The following B4GALT1 variants were observed in gnomAD, a reference collection of about 807,000 sequenced individuals.
B4GALT1 encodes N-acetyllactosamine synthase.
A neutral mutation model predicts 34.9 loss-of-function variants in B4GALT1; 16 were observed. The observed-to-expected ratio is 0.46, with a 90% CI of 0.31 to 0.70. The LOEUF (loss-of-function observed/expected upper bound fraction) is 0.70. B4GALT1 is among the 30% of genes least tolerant of loss of function. The pLI is 0.05. For missense variants in B4GALT1, 445 were observed against 530.5 expected (o/e 0.84, Z 1.58); for synonymous variants, 221 against 218.1 (o/e 1.01, Z -0.12).
At chr9:33,108,206 T>A (rs1302861302), downstream of B4GALT1, among the ~76,000 whole-genome samples, 2 of 152,302 alleles carry the variant, frequency 1.3e-5, no homozygotes, top group East Asian at 3.9e-4. Flanking sequence ...GGTTCTGTTA[T>A]AACTCCCATT....
rs1840779605 is a variant in B4GALT1, at chr9:33,167,266, G to A, written c.-97C>T. On this transcript the variant is annotated 5_prime_UTR_variant, in exon 1 of 6. Transcript: ENST00000379731. ...GGCGCTGCCCCACAGCGGCGACTAG[G>A]GGAGGGCCCGGAGCGGGGGCGGGCG... 2.2e-6 allele frequency: 3 copies of A among 1,383,762 alleles called. No individual in the cohort carries two copies. The highest frequency in any genetic ancestry group is 3.1e-5 in the Admixed American group (1 of 32,130). The allele number at this position is 1,383,762 out of a possible 1,614,324, so 85.7% of individuals were successfully genotyped here.
chr9:33,159,773 G>A (rs1478110158), intron 1 of B4GALT1, among the ~76,000 whole-genome samples: 1 of 152,160 alleles, frequency 6.6e-6, no homozygotes, highest in East Asian at 1.9e-4. Flanking sequence ...CTTCCTGTGC[G>A]TCACATCTCA....
intron 2 of B4GALT1, chr9:33,104,929 C>T (rs762368991): frequency 4.4e-5 from 16 of 360,440 alleles, no homozygotes; most frequent in Non-Finnish European, 7.6e-5. Flanking sequence ...AAACAATTCT[C>T]CTGCCTCAGC....
At chr9:33,128,274 G>A (rs1840142058) in intron 2 of B4GALT1, among the ~76,000 whole-genome samples, 1 of 152,172 alleles carries the variant, frequency 6.6e-6, no homozygotes. Context: ...AGAGAAAAGG[G>A]TGGATGCAAG....
downstream of B4GALT1, among the ~76,000 whole-genome samples, chr9:33,107,139 C>A (rs1295808651): frequency 2.0e-5 from 3 of 152,180 alleles, no homozygotes; most frequent in Non-Finnish European, 2.9e-5. Flanking sequence ...TGCCTCACAG[C>A]CTGGGTACAG....
At chr9:33,178,631 TG>T in the B4GALT1 span, among the ~76,000 whole-genome samples, 1 of 152,194 alleles carries the variant, frequency 6.6e-6, no homozygotes, top group African/African-American at 2.4e-5. Flanking sequence ...TCAGTGACTT[TG>T]GTCATCCATT....
chr9:33,132,217 T>TG (rs145744773), intron 2 of B4GALT1, among the ~76,000 whole-genome samples: 30,079 of 151,902 alleles, frequency 0.2, 3,289 homozygotes, highest in East Asian at 0.47. Context: ...TGCTAAGTTG[T>TG]GAAGTGGGAA....
chr9:33,152,969 C>G (rs989867118), intron 1 of B4GALT1, among the ~76,000 whole-genome samples: 2 of 152,062 alleles, frequency 1.3e-5, no homozygotes, highest in African/African-American at 2.4e-5. Flanking sequence ...GAGGCTGAGG[C>G]AGGAAGATCA....
At chr9:33,109,801 C>G (rs1256086920), downstream of B4GALT1, among the ~76,000 whole-genome samples, 2 of 152,212 alleles carry the variant, frequency 1.3e-5, no homozygotes, top group Non-Finnish European at 2.9e-5. Context: ...CAGCTAGTGT[C>G]CACTAGAAAA....
At chr9:33,131,270 C>A (rs1019910695) in intron 2 of B4GALT1, among the ~76,000 whole-genome samples, 2 of 152,196 alleles carry the variant, frequency 1.3e-5, no homozygotes, top group African/African-American at 4.8e-5. Flanking sequence ...ACTTTCGGAG[C>A]CTGTCCCTCT....
rs545527909 is a variant in B4GALT1, at chr9:33,125,311, G to A, written c.649-4705C>T. Among the ~76,000 whole-genome samples the A allele has an allele frequency of 2.7e-4, 41 of 152,308 alleles. 1 individual carries two copies. Among genetic ancestry groups the A allele is most frequent in the Admixed American group, 1.6e-3 (25 of 15,308 alleles). ...CAGCCAAGGAACTACAAGAAATTCC[G>A]AATGAGTGAAGCCAGAATGAAACAT... On this transcript the variant is annotated intron_variant, in intron 2 of 5. Coordinates refer to ENST00000379731, the MANE Select transcript of B4GALT1 (RefSeq NM_001497.4).
chr9:33,151,974 G>A (rs1469816091), intron 1 of B4GALT1, among the ~76,000 whole-genome samples: 1 of 152,314 alleles, frequency 6.6e-6, no homozygotes, highest in South Asian at 2.1e-4. Flanking sequence ...GCTTAAGTAT[G>A]AAAGCAACCT....
At chr9:33,165,718 A>G (rs976907847) in intron 1 of B4GALT1, among the ~76,000 whole-genome samples, 1 of 152,222 alleles carries the variant, frequency 6.6e-6, no homozygotes, top group Non-Finnish European at 1.5e-5. Flanking sequence ...ATTAGAAATG[A>G]GAAACCACCT....
chr9:33,120,670 G>C, intron 2 of B4GALT1, 64 bp from the exon 3 acceptor site: 3 of 1,552,246 alleles, frequency 1.9e-6, no homozygotes, highest in East Asian at 4.6e-5. Context: ...ACACTCACAG[G>C]GACTGGTGAC....
At chr9:33,118,504 A>ATT (rs200345855) in intron 3 of B4GALT1, among the ~76,000 whole-genome samples, 1 of 147,058 alleles carries the variant, frequency 6.8e-6, no homozygotes, top group Non-Finnish European at 1.5e-5. Flanking sequence ...AAAAAAAAAA[A>ATT]TTTTTTTTTT....
At chr9:33,184,287 C>A in the B4GALT1 span, among the ~76,000 whole-genome samples, 20 of 142,782 alleles carry the variant, frequency 1.4e-4, no homozygotes, top group African/African-American at 4.2e-4. Flanking sequence ...CACACACACA[C>A]AAAAACATAG....
chr9:33,136,544 G>T (rs1366890201), intron 1 of B4GALT1, among the ~76,000 whole-genome samples: 1 of 152,232 alleles, frequency 6.6e-6, no homozygotes, highest in African/African-American at 2.4e-5. Context: ...GAACGGGAAT[G>T]CTGCGTATTA....
intron 1 of B4GALT1, among the ~76,000 whole-genome samples, chr9:33,140,264 A>C (rs770357794): frequency 1.4e-4 from 21 of 152,338 alleles, no homozygotes; most frequent in Non-Finnish European, 2.2e-4. Context: ...CAGTGGGTCG[A>C]AAGAAGCGTT....
intron 1 of B4GALT1, among the ~76,000 whole-genome samples, chr9:33,145,829 A>G (rs1564049029): frequency 6.6e-6 from 1 of 152,162 alleles, no homozygotes; most frequent in Non-Finnish European, 1.5e-5. Flanking sequence ...ATCTTTTCCA[A>G]TTTAGGGGCC....
Sources: gnomAD v4.1 joint callset for allele counts (sites outside exome capture counted in the v4.1 genomes callset) on GRCh38, gnomAD v4.1.1 for gene constraint, MANE v1.5 for transcripts, NCBI Gene and HGNC (gene_info 2026-07-23, HGNC 2026-07-21) for gene names.